Variants in ZNF114 observed in about 807,000 individuals in gnomAD.
ZNF114 encodes zinc finger protein 114, also known as zinc finger protein 114 (Y18).
ZNF114 carries 8 observed loss-of-function variants against 6.8 expected under a neutral mutation model. The observed-to-expected ratio is 1.18, with a 90% CI of 0.69 to 2.13. The LOEUF is 2.13. Ranked by LOEUF, ZNF114 falls within the 30% of genes most tolerant of loss-of-function variation. ZNF114 has a pLI of 0.00. For missense variants in ZNF114, 472 were observed against 519.5 expected, an observed-to-expected ratio of 0.91 and a Z score of 0.89; for synonymous variants, 169 against 185.5, an observed-to-expected ratio of 0.91 and a Z score of 0.72.
Position 48,286,443 on chromosome 19 carries a change from GACAA to G in ZNF114, c.824_827del (p.Asn275ArgfsTer45). On this transcript the variant is annotated frameshift_variant, in exon 6 of 6. Transcript: ENST00000595607. LOFTEE classifies it low-confidence loss of function (END_TRUNC). ...TGCAGATGCAGTTGTATACCGCAGA[GACAA>G]ACAAGAAGGATTGTCAAACTGGGGC... is the stretch of plus-strand genomic sequence containing the variant. The G allele has an allele frequency of 2.5e-6, 4 of 1,614,212 alleles. No individual in the cohort carries two copies. Among genetic ancestry groups the G allele is most frequent in the African/African-American group, 1.3e-5 (1 of 75,068 alleles).
chr19:48,277,071 G>T (rs570701329), intron 3 of ZNF114, among the ~76,000 whole-genome samples: 1 of 152,318 alleles, frequency 6.6e-6, no homozygotes. Flanking sequence ...TGAGGCAGGA[G>T]AATTGCTTGA....
intron 3 of ZNF114, among the ~76,000 whole-genome samples, chr19:48,276,078 T>C (rs1333829928): frequency 1.2e-5 from 1 of 86,298 alleles, no homozygotes; most frequent in Non-Finnish European, 2.7e-5. Context: ...TTACCTCTTT[T>C]TTTTTTTTTT....
chr19:48,279,917 C>T, intron 4 of ZNF114, 109 bp downstream of exon 4: 1 of 1,524,632 alleles, frequency 6.6e-7, no homozygotes, highest in Non-Finnish European at 9.0e-7. Flanking sequence ...CAGGCAGGGC[C>T]CCCCGCCAGC....
chr19:48,279,275 G>T (rs757575017), intron 3 of ZNF114, among the ~76,000 whole-genome samples: 5 of 150,200 alleles, frequency 3.3e-5, no homozygotes, highest in Admixed American at 6.7e-5. Flanking sequence ...GCCCATGCCT[G>T]TACCTTCAGC....
chr19:48,272,951 G>A (rs990964956), intron 3 of ZNF114, among the ~76,000 whole-genome samples: 21 of 151,776 alleles, frequency 1.4e-4, no homozygotes, highest in East Asian at 4.0e-4. Context: ...GCCCGCCACC[G>A]CGCCCGGCTA....
chr19:48,285,595 GA>G (rs1377830505), intron 5 of ZNF114, among the ~76,000 whole-genome samples, 165 bp from the exon 6 acceptor site: 4 of 150,382 alleles, frequency 2.7e-5, no homozygotes, highest in African/African-American at 9.8e-5. Context: ...AGAAAAGAAA[GA>G]AAGGAAGGAA....
intron 3 of ZNF114, among the ~76,000 whole-genome samples, chr19:48,274,386 G>A (rs902220157): frequency 6.6e-6 from 1 of 151,036 alleles, no homozygotes. Context: ...TACTATTTAA[G>A]TTGACCACAG....
intron 3 of ZNF114, among the ~76,000 whole-genome samples, chr19:48,277,794 G>GGTGTGTGTGTGTGTGTGTGTGT (rs749201884): frequency 0.02 from 2,413 of 119,194 alleles, 82 homozygotes; most frequent in African/African-American, 0.037. Flanking sequence ...GGAGGCATTG[G>GGTGTGTGTGTGTGTGTGTGTGT]GTGTGTGTGT....
intron 3 of ZNF114, among the ~76,000 whole-genome samples, chr19:48,276,606 C>A (rs772814579): frequency 3.3e-5 from 5 of 152,208 alleles, no homozygotes; most frequent in Non-Finnish European, 7.3e-5. Context: ...ACTGCAGCAT[C>A]AACCTCCTGG....
chr19:48,271,055 C>CAAA (rs57292804), intron 1 of ZNF114, 190 bp from the exon 2 acceptor site: 21,094 of 101,430 alleles, frequency 0.21, 1,764 homozygotes, highest in South Asian at 0.25. Context: ...GACTCCGTCT[C>CAAA]AAAAAAAAAA....
chr19:48,275,458 A>ACACACACACACACACACAC (rs1600837639), intron 3 of ZNF114, among the ~76,000 whole-genome samples: 9 of 145,134 alleles, frequency 6.2e-5, no homozygotes, highest in African/African-American at 7.8e-5. Context: ...ACACACACAC[A>ACACACACACACACACACAC]AAATAGCCAG....
chr19:48,278,018 T>C (rs941197602), intron 3 of ZNF114, among the ~76,000 whole-genome samples: 1 of 152,086 alleles, frequency 6.6e-6, no homozygotes, highest in African/African-American at 2.4e-5. Context: ...CACTGCAACC[T>C]CCACCTCCCA....
Position 48,285,926 on chromosome 19 carries a change from A to G in ZNF114, c.302A>G (p.Gln101Arg). ...CCCAAAACAGAGGAACCACACAGGCAGGGGGTGAATAATGTGAAGCCACCT... is the reference window on the plus strand; with the variant it reads ...CCCAAAACAGAGGAACCACACAGGCGGGGGGTGAATAATGTGAAGCCACCT... ...RCPKTEEPHR[Q>R]GVNNVKPPAV... is the part of the protein sequence containing the mutation. Residue 101 changes from glutamine (Q) to arginine (R), a missense_variant, in exon 6 of 6, where the codon CAG becomes CGG. Physicochemically the swap from Gln to Arg is conservative, Grantham distance 43. Coordinates refer to ENST00000595607, the MANE Select transcript of ZNF114 (RefSeq NM_153608.4). 1 of 1,614,170 alleles carries G rather than the reference A, an allele frequency of 6.2e-7. No individual in the cohort carries two copies. Among genetic ancestry groups the G allele is most frequent in the Non-Finnish European group, 8.5e-7 (1 of 1,180,026 alleles).
At chr19:48,279,905 G>A (rs1967947176) in intron 4 of ZNF114, 97 bp downstream of exon 4, 2 of 1,573,184 alleles carry the variant, frequency 1.3e-6, no homozygotes, top group African/African-American at 1.4e-5. Context: ...AGCACATGGA[G>A]CCAGGCAGGG....
At chr19:48,276,074 CTTTTTTT>C (rs34454372) in intron 3 of ZNF114, among the ~76,000 whole-genome samples, 1 of 73,416 alleles carries the variant, frequency 1.4e-5, no homozygotes, top group South Asian at 5.5e-4. Flanking sequence ...CCTCTTACCT[CTTTTTTT>C]TTTTTTTTTT....
intron 3 of ZNF114, among the ~76,000 whole-genome samples, chr19:48,275,716 C>T (rs929503333): frequency 6.6e-6 from 1 of 151,772 alleles, no homozygotes; most frequent in African/African-American, 2.4e-5. Flanking sequence ...TGTTTGTTGC[C>T]GGGCGCGGTG....
intron 4 of ZNF114, among the ~76,000 whole-genome samples, chr19:48,281,396 G>A (rs1047693452): frequency 5.3e-5 from 8 of 151,596 alleles, no homozygotes; most frequent in South Asian, 4.2e-4. Flanking sequence ...AGTCACTGGC[G>A]TCCTTGGCAT....
intron 3 of ZNF114, among the ~76,000 whole-genome samples, chr19:48,272,698 A>AAAAAAAAAAT: frequency 7.4e-6 from 1 of 134,370 alleles, no homozygotes; most frequent in East Asian, 2.2e-4. Flanking sequence ...AAAAAAAAAA[A>AAAAAAAAAAT]GTATTGGATT....
In ZNF114 at chr19:48,277,797, GTGTGTGTGT is replaced by G. The variant is rs1967883268; in HGVS notation, c.-69-1933_-69-1925del. Among the ~76,000 whole-genome samples, 5 of 132,976 alleles carry G rather than the reference GTGTGTGTGT, an allele frequency of 3.8e-5. No homozygotes were observed. The East Asian group carries it at 8.4e-4, about 22-fold the overall frequency. 87.2% of individuals were successfully genotyped at this position (132,976 alleles called of 152,430 possible). A position where few individuals can be genotyped will look rare whatever the true frequency, so the allele number is the denominator to read the frequency against. ...TAGACTGACCAGGGAGGCATTGGGT[GTGTGTGTGT>G]GTGTGTGTGTGTGTGTGTGTGTGTG... On this transcript the variant is annotated intron_variant, in intron 3 of 5. Coordinates refer to ENST00000595607, the MANE Select transcript of ZNF114 (RefSeq NM_153608.4).
Sources: gnomAD v4.1 joint callset for allele counts (sites outside exome capture counted in the v4.1 genomes callset) on GRCh38, gnomAD v4.1.1 for gene constraint, MANE v1.5 for transcripts, NCBI Gene and HGNC (gene_info 2026-07-23, HGNC 2026-07-21) for gene names.